The following NGF variants were observed in gnomAD, a reference collection of about 807,000 sequenced individuals.
The protein encoded by NGF is beta-nerve growth factor.
NGF carries 4 observed loss-of-function variants against 12.8 expected under a neutral mutation model. The observed-to-expected ratio is 0.31, with a 90% CI of 0.15 to 0.72. NGF has a LOEUF of 0.72. Ranked by LOEUF, NGF falls within the 30% of genes least tolerant of loss-of-function variation. The pLI is 0.69. For missense variants in NGF, 283 were observed against 330.8 expected (o/e 0.86, Z 1.12); for synonymous variants, 140 against 130.0 (o/e 1.08, Z -0.52).
chr1:115,333,709 CTTTCTTTTCTTTCT>C (rs1557949313), intron 1 of NGF, among the ~76,000 whole-genome samples: 3 of 57,116 alleles, frequency 5.3e-5, no homozygotes, highest in African/African-American at 2.8e-4. Context: ...TTCTTTCTTT[CTTTCTTTTCTTTCT>C]TTCCTTCTTT....
intron 2 of NGF, among the ~76,000 whole-genome samples, chr1:115,288,781 A>T (rs568144295): frequency 2.0e-5 from 3 of 152,326 alleles, no homozygotes; most frequent in South Asian, 4.1e-4. Flanking sequence ...GTACTCAAAA[A>T]ATTTAAGGAG....
intron 2 of NGF, among the ~76,000 whole-genome samples, chr1:115,291,661 G>A (rs538854466): frequency 7.9e-5 from 12 of 152,262 alleles, no homozygotes; most frequent in Middle Eastern, 3.4e-3. Flanking sequence ...CTGAACCAGC[G>A]ATACATTCTG....
chr1:115,327,769 C>A (rs1557947380), intron 1 of NGF, among the ~76,000 whole-genome samples: 2 of 152,218 alleles, frequency 1.3e-5, no homozygotes, highest in African/African-American at 4.8e-5. Flanking sequence ...GGCTTGTTTG[C>A]AGTCCACTCC....
chr1:115,337,270 T>TGTTTG lies in NGF; in HGVS notation c.-137+933_-137+934insCAAAC, dbSNP rs1327135980. 1.3e-3 allele frequency among the ~76,000 whole-genome samples: 55 copies of TGTTTG among 41,582 alleles called. 3 individuals are homozygous for TGTTTG. Among genetic ancestry groups the TGTTTG allele is most frequent in the East Asian group, 5.8e-3 (2 of 342 alleles). 27.3% of individuals were successfully genotyped at this position (41,582 alleles called of 152,430 possible). On this transcript the variant is annotated intron_variant, in intron 1 of 2. Coordinates refer to ENST00000369512, the MANE Select transcript of NGF (RefSeq NM_002506.3). ...AAATTTTTTTTGTTTTGTTTTTGTTTTTTTTTTTTTTTTTTTTTTTTTTTT... is the reference window on the plus strand; with the variant it reads ...AAATTTTTTTTGTTTTGTTTTTGTTTGTTTGTTTTTTTTTTTTTTTTTTTTTTTTT...
chr1:115,295,213 G>A (rs1653829318), intron 1 of NGF, among the ~76,000 whole-genome samples: 1 of 152,170 alleles, frequency 6.6e-6, no homozygotes, highest in Non-Finnish European at 1.5e-5. Flanking sequence ...TGGGGAGGTA[G>A]CAAGGACCTC....
At chr1:115,308,392 C>T (rs1654255072) in intron 1 of NGF, among the ~76,000 whole-genome samples, 1 of 152,154 alleles carries the variant, frequency 6.6e-6, no homozygotes, top group Admixed American at 6.5e-5. Context: ...AAAAACCACA[C>T]CATAACAAAA....
intron 1 of NGF, among the ~76,000 whole-genome samples, chr1:115,295,321 C>G (rs1297042839): frequency 2.0e-5 from 3 of 152,104 alleles, no homozygotes; most frequent in Non-Finnish European, 4.4e-5. Context: ...TCTTCTTGCT[C>G]CAGAAAGTAC....
At chr1:115,333,698 T>C (rs548625320) in intron 1 of NGF, among the ~76,000 whole-genome samples, 32 of 80,382 alleles carry the variant, frequency 4.0e-4, no homozygotes, top group African/African-American at 5.2e-4. Flanking sequence ...TCTTTCTTTC[T>C]TTCTTTCTTT....
intron 1 of NGF, among the ~76,000 whole-genome samples, chr1:115,310,445 G>C (rs947307613): frequency 4.6e-5 from 7 of 152,168 alleles, no homozygotes; most frequent in Non-Finnish European, 8.8e-5. Context: ...TGCTGAGCCT[G>C]GGCCTTTTCA....
intron 1 of NGF, among the ~76,000 whole-genome samples, chr1:115,315,984 G>A (rs1188382640): frequency 6.6e-6 from 1 of 152,174 alleles, no homozygotes; most frequent in Non-Finnish European, 1.5e-5. Flanking sequence ...CACATCAGCG[G>A]ATTAAGCAAA....
chr1:115,324,156 G>A (rs1399005303), intron 1 of NGF, among the ~76,000 whole-genome samples: 1 of 152,140 alleles, frequency 6.6e-6, no homozygotes, highest in Non-Finnish European at 1.5e-5. Context: ...GTTACATGTG[G>A]TGTTACTGTC....
At chr1:115,315,538 A>G (rs1263645868) in intron 1 of NGF, among the ~76,000 whole-genome samples, 1 of 152,122 alleles carries the variant, frequency 6.6e-6, no homozygotes, top group Non-Finnish European at 1.5e-5. Flanking sequence ...GATGGAGAAC[A>G]CTGAAGGAGG....
intron 1 of NGF, among the ~76,000 whole-genome samples, chr1:115,294,956 T>A (rs891352467): frequency 6.6e-6 from 1 of 152,228 alleles, no homozygotes; most frequent in African/African-American, 2.4e-5. Flanking sequence ...TGAATGATTA[T>A]GTCCATCACA....
At chr1:115,337,255 TGTTTTGTTTTTG>T (rs1557950693) in intron 1 of NGF, among the ~76,000 whole-genome samples, 19 of 138,608 alleles carry the variant, frequency 1.4e-4, no homozygotes, top group African/African-American at 5.0e-4. Context: ...AAATTTTTTT[TGTTTTGTTTTTG>T]TTTTTTTTTT....
chr1:115,304,188 G>A (rs909700107), intron 1 of NGF, among the ~76,000 whole-genome samples: 12 of 151,324 alleles, frequency 7.9e-5, no homozygotes, highest in African/African-American at 1.2e-4. Context: ...TTTTTTTTTC[G>A]AGATGTAGTT....
At chr1:115,292,002 A>T (rs1332313087) in intron 2 of NGF, among the ~76,000 whole-genome samples, 1 of 152,118 alleles carries the variant, frequency 6.6e-6, no homozygotes, top group Admixed American at 6.5e-5. Flanking sequence ...TGGCCAAGGA[A>T]ATCCAGCCTC....
At chr1:115,307,652 C>T (rs1304221665) in intron 1 of NGF, among the ~76,000 whole-genome samples, 1 of 152,186 alleles carries the variant, frequency 6.6e-6, no homozygotes, top group Admixed American at 6.5e-5. Context: ...ACTGAACTGG[C>T]TTCTGGTAGT....
intron 1 of NGF, among the ~76,000 whole-genome samples, chr1:115,326,054 C>T (rs1654763116): frequency 1.3e-5 from 2 of 151,928 alleles, no homozygotes; most frequent in African/African-American, 2.4e-5. Flanking sequence ...ATCCGGAAGT[C>T]GTAGATCGTA....
chr1:115,293,893 A>T (rs2101026473), intron 1 of NGF, 143 bp from the exon 2 acceptor site: 1 of 152,724 alleles, frequency 6.5e-6, no homozygotes, highest in South Asian at 2.1e-4. Flanking sequence ...GGAAGGAGCT[A>T]GAATTTGGCT....
Sources: allele counts gnomAD v4.1 joint callset (sites outside exome capture counted in the v4.1 genomes callset), GRCh38; gene constraint gnomAD v4.1.1; transcripts MANE v1.5; gene names NCBI Gene and HGNC (gene_info 2026-07-23, HGNC 2026-07-21).